The following NXPH1 variants were observed in gnomAD, a reference collection of about 807,000 sequenced individuals.
NXPH1 encodes neurexophilin 1.
Under a neutral mutation model 23.7 loss-of-function variants are expected in NXPH1, and 5 were observed. The observed-to-expected ratio is 0.21, with a 90% CI of 0.11 to 0.44. The LOEUF is 0.44. Ranked by LOEUF, NXPH1 falls within the 20% of genes least tolerant of loss-of-function variation. The pLI is 0.99. For synonymous variants in NXPH1, 144 were observed against 122.2 expected (o/e 1.18, Z -1.18); for missense variants, 324 against 321.6 (o/e 1.01, Z -0.06).
intron 2 of NXPH1, among the ~76,000 whole-genome samples, chr7:8,687,729 G>A (rs1821169171): frequency 6.6e-6 from 1 of 152,112 alleles, no homozygotes; most frequent in Non-Finnish European, 1.5e-5. Context: ...GATGATATCT[G>A]TACATCACCT....
At chr7:8,568,098 C>A (rs759537842) in intron 2 of NXPH1, among the ~76,000 whole-genome samples, 1 of 151,808 alleles carries the variant, frequency 6.6e-6, no homozygotes, top group Non-Finnish European at 1.5e-5. Context: ...GATATTCATC[C>A]TAAGTCCTTC....
chr7:8,454,184 C>G (rs1361077753), intron 2 of NXPH1, among the ~76,000 whole-genome samples: 1 of 151,904 alleles, frequency 6.6e-6, no homozygotes, highest in African/African-American at 2.4e-5. Context: ...AAAACAACTC[C>G]CCATGACACC....
chr7:8,666,324 G>T (rs183469436), intron 2 of NXPH1, among the ~76,000 whole-genome samples: 3 of 152,020 alleles, frequency 2.0e-5, no homozygotes, highest in Non-Finnish European at 2.9e-5. Context: ...CTTTCATTCC[G>T]ATAATGTGGT....
At chr7:8,654,018 T>C (rs912694891) in intron 2 of NXPH1, among the ~76,000 whole-genome samples, 2 of 152,202 alleles carry the variant, frequency 1.3e-5, no homozygotes, top group Non-Finnish European at 2.9e-5. Flanking sequence ...GCTTTCATTG[T>C]AGTTTTGCCT....
At chr7:8,726,352 T>C (rs944341824) in intron 2 of NXPH1, among the ~76,000 whole-genome samples, 2 of 152,042 alleles carry the variant, frequency 1.3e-5, no homozygotes, top group Non-Finnish European at 2.9e-5. Context: ...ATTATTATTA[T>C]ACTTTAAGTT....
chr7:8,704,359 G>A (rs149336988), intron 2 of NXPH1, among the ~76,000 whole-genome samples: 44 of 152,142 alleles, frequency 2.9e-4, no homozygotes, highest in African/African-American at 1.0e-3. Context: ...TTGCACAATC[G>A]ATTCTCTCCA....
intron 2 of NXPH1, among the ~76,000 whole-genome samples, chr7:8,449,668 G>C (rs1057087955): frequency 3.3e-5 from 5 of 152,150 alleles, no homozygotes; most frequent in Non-Finnish European, 5.9e-5. Flanking sequence ...TTCTTGACCA[G>C]GGCTTTTAAT....
chr7:8,458,231 G>T (rs576160922), intron 2 of NXPH1, among the ~76,000 whole-genome samples: 2 of 152,258 alleles, frequency 1.3e-5, no homozygotes, highest in South Asian at 4.1e-4. Context: ...ATTGACTTTA[G>T]GGTCTCTGGA....
chr7:8,486,374 C>G (rs929125146), intron 2 of NXPH1, among the ~76,000 whole-genome samples: 65 of 152,124 alleles, frequency 4.3e-4, no homozygotes, highest in African/African-American at 1.5e-3. Flanking sequence ...CAAACTCAGT[C>G]TGATTAATTT....
At chr7:8,579,213 G>A (rs1416482116) in intron 2 of NXPH1, among the ~76,000 whole-genome samples, 1 of 152,150 alleles carries the variant, frequency 6.6e-6, no homozygotes, top group African/African-American at 2.4e-5. Flanking sequence ...GACAGATAGA[G>A]AGCGAGCAAC....
chr7:8,702,482 C>T (rs1312194214), intron 2 of NXPH1, among the ~76,000 whole-genome samples: 1 of 152,072 alleles, frequency 6.6e-6, no homozygotes, highest in African/African-American at 2.4e-5. Context: ...TTAGCATATC[C>T]ATGGGAGGCT....
In NXPH1 at chr7:8,617,475, TA is replaced by T. The variant is rs548825720; in HGVS notation, c.55-133527del. 8.9e-4 allele frequency among the ~76,000 whole-genome samples: 136 copies of T among 152,032 alleles called. 2 individuals carry two copies. Among genetic ancestry groups the T allele is most frequent in the African/African-American group, 3.2e-3 (132 of 41,496 alleles). The stretch of plus-strand genomic sequence containing the variant: ...TATACAATGGAGTACTATTCAGCCA[TA>T]AAAAAGAAGGAGATCCAGTCATATG... On this transcript the variant is annotated intron_variant, in intron 2 of 2. Coordinates refer to ENST00000405863, the MANE Select transcript of NXPH1 (RefSeq NM_152745.3).
chr7:8,628,997 A>G (rs1051900914), intron 2 of NXPH1, among the ~76,000 whole-genome samples: 6 of 151,430 alleles, frequency 4.0e-5, no homozygotes, highest in Non-Finnish European at 7.4e-5. Context: ...AGATAAATCT[A>G]GTAAATTCTT....
intron 2 of NXPH1, among the ~76,000 whole-genome samples, chr7:8,476,733 A>G (rs925268205): frequency 6.6e-6 from 1 of 152,136 alleles, no homozygotes; most frequent in Non-Finnish European, 1.5e-5. Flanking sequence ...GTAATGTGTT[A>G]TACAAAATAA....
At chr7:8,500,732 A>G (rs564115131) in intron 2 of NXPH1, among the ~76,000 whole-genome samples, 2 of 152,210 alleles carry the variant, frequency 1.3e-5, no homozygotes, top group East Asian at 1.9e-4. Flanking sequence ...CAGCTGATGC[A>G]TTATCCATAA....
chr7:8,718,702 T>C (rs1484210229), intron 2 of NXPH1, among the ~76,000 whole-genome samples: 1 of 152,210 alleles, frequency 6.6e-6, no homozygotes, highest in Non-Finnish European at 1.5e-5. Context: ...TAAAGAGGTA[T>C]GAAATGAGTT....
intron 2 of NXPH1, among the ~76,000 whole-genome samples, chr7:8,614,250 A>C (rs1819683728): frequency 6.6e-6 from 1 of 151,892 alleles, no homozygotes; most frequent in South Asian, 2.1e-4. Context: ...CTTGTAGTTA[A>C]AACTGTTTTC....
At position 8,441,585 on chromosome 7, in the gene NXPH1, T is replaced by A. The variant is rs902179510; in HGVS notation, c.54+5818T>A. Among the ~76,000 whole-genome samples, 5 of 152,176 alleles carry A rather than the reference T, an allele frequency of 3.3e-5. No homozygotes were observed. The East Asian group carries it at 9.6e-4, about 29-fold the overall frequency. On this transcript the variant is annotated intron_variant, in intron 2 of 2. Transcript: ENST00000405863. Reference sequence around the variant, plus strand: ...ACGTTTAATGAAAGTGCTCCCCAGATGAATATTACCAGCAATTTCCTGAGT... The same window carrying A: ...ACGTTTAATGAAAGTGCTCCCCAGAAGAATATTACCAGCAATTTCCTGAGT...
rs538098647 is a variant in NXPH1, at chr7:8,608,282, G to C, written c.55-142726G>C. 1.3e-4 allele frequency among the ~76,000 whole-genome samples: 19 copies of C among 151,922 alleles called. No homozygotes were observed. In the East Asian group the frequency reaches 3.7e-3, roughly 29 times the overall value. On this transcript the variant is annotated intron_variant, in intron 2 of 2. Coordinates refer to ENST00000405863, the MANE Select transcript of NXPH1 (RefSeq NM_152745.3). ...GTTCTCAGGGATAAATGGAAGTCTT[G>C]AAAGTCCAAGAATTATTCATTAGGA...
Sources: gnomAD v4.1 joint callset for allele counts (sites outside exome capture counted in the v4.1 genomes callset) on GRCh38, gnomAD v4.1.1 for gene constraint, MANE v1.5 for transcripts, NCBI Gene and HGNC (gene_info 2026-07-23, HGNC 2026-07-21) for gene names.